GOT1: variants seen among roughly 807,000 people sequenced by gnomAD.
GOT1 encodes the protein aspartate aminotransferase, cytoplasmic.
Under a neutral mutation model 48.2 loss-of-function variants are expected in GOT1, and 25 were observed. The ratio of observed to expected loss-of-function variants is 0.52; its 90% CI spans 0.38 to 0.72. The LOEUF is 0.72. GOT1 is among the 30% of genes least tolerant of loss of function. The pLI is 0.00. For missense variants in GOT1, 380 were observed against 520.1 expected, an observed-to-expected ratio of 0.73 and a Z score of 2.62; for synonymous variants, 188 against 193.8, an observed-to-expected ratio of 0.97 and a Z score of 0.25.
At chr10:99,421,426 ATCTCTATCCTC>A (rs913117352) in intron 1 of GOT1, among the ~76,000 whole-genome samples, 5 of 152,028 alleles carry the variant, frequency 3.3e-5, no homozygotes, top group Non-Finnish European at 7.4e-5. Flanking sequence ...ACTTAAACAC[ATCTCTATCCTC>A]TCTCTGTATT....
chr10:99,405,720 A>G (rs774836580), intron 5 of GOT1, 36 bp downstream of exon 5: 2 of 948,086 alleles, frequency 2.1e-6, no homozygotes, highest in African/African-American at 1.6e-5. Flanking sequence ...AAGAATATAT[A>G]CTATTTTTTA....
At chr10:99,422,593 C>T (rs2032985211) in intron 1 of GOT1, among the ~76,000 whole-genome samples, 1 of 152,112 alleles carries the variant, frequency 6.6e-6, no homozygotes, top group South Asian at 2.1e-4. Flanking sequence ...GACATGTTTG[C>T]ATGTCTCCAT....
chr10:99,409,316 A>T (rs2032802196), intron 2 of GOT1, among the ~76,000 whole-genome samples: 1 of 150,890 alleles, frequency 6.6e-6, no homozygotes, highest in Non-Finnish European at 1.5e-5. Flanking sequence ...TGTTTTTAGT[A>T]CAGATGGGGT....
At chr10:99,405,111 T>C (rs1297761508) in intron 5 of GOT1, among the ~76,000 whole-genome samples, 1 of 152,146 alleles carries the variant, frequency 6.6e-6, no homozygotes, top group Non-Finnish European at 1.5e-5. Flanking sequence ...CTGTCTGTCT[T>C]TGAGGGTAGG....
chr10:99,419,000 A>T (rs921351114), intron 2 of GOT1, among the ~76,000 whole-genome samples: 2 of 152,200 alleles, frequency 1.3e-5, no homozygotes, highest in Non-Finnish European at 2.9e-5. Flanking sequence ...TACTTGCCTA[A>T]TCATGGACCT....
At chr10:99,409,052 A>G (rs2032796818) in intron 2 of GOT1, among the ~76,000 whole-genome samples, 2 of 152,190 alleles carry the variant, frequency 1.3e-5, no homozygotes, top group African/African-American at 4.8e-5. Context: ...ATGGATACAC[A>G]GGGATTCATT....
chr10:99,420,669 A>G lies in GOT1; in HGVS notation c.255T>C (p.Ser85=). The G allele has an allele frequency of 6.2e-7, 1 of 1,614,126 alleles. No homozygotes were observed. The highest frequency in any genetic ancestry group is 1.1e-5 in the South Asian group (1 of 91,084). Residue 85 remains serine, a synonymous_variant, in exon 2 of 9, where the codon TCT becomes TCC. Coordinates refer to ENST00000370508, the MANE Select transcript of GOT1 (RefSeq NM_002079.3). ...LGLAEFRSCA[S]RLALGDDSPA... is the part of the protein sequence containing the mutation. ...GGCTGTCATCCCCAAGGGCAAGACGAGAAGCACAGCTCCGGAACTCAGCCA... is the reference window on the plus strand; with the variant it reads ...GGCTGTCATCCCCAAGGGCAAGACGGGAAGCACAGCTCCGGAACTCAGCCA...
chr10:99,426,220 GC>G (rs1429997147), intron 1 of GOT1, among the ~76,000 whole-genome samples: 2 of 152,084 alleles, frequency 1.3e-5, no homozygotes, highest in Non-Finnish European at 2.9e-5. Context: ...ATGCTCCCCA[GC>G]TCCATGCCCC....
chr10:99,402,829 A>G lies in GOT1; in HGVS notation c.960-107T>C, dbSNP rs569180013. 240 of 880,536 alleles carry G rather than the reference A, an allele frequency of 2.7e-4. No homozygotes were observed. The African/African-American group carries it at 3.4e-3, about 12-fold the overall frequency. 54.5% of individuals were successfully genotyped at this position (880,536 alleles called of 1,614,324 possible). A position where few individuals can be genotyped will look rare whatever the true frequency, so the allele number is the denominator to read the frequency against. ...TTAAACGACAGCTGACAATGGGATC[A>G]TAACCTGCCTATTATGGCATGTGGA... is the stretch of plus-strand genomic sequence containing the variant. On this transcript the variant is annotated intron_variant, in intron 7 of 8. Transcript: ENST00000370508.
At chr10:99,406,624 T>G in intron 3 of GOT1, 102 bp downstream of exon 3, 1 of 1,168,606 alleles carries the variant, frequency 8.6e-7, no homozygotes, top group Non-Finnish European at 1.3e-6. Context: ...CAACAGTCAG[T>G]TGTTCTAGGG....
chr10:99,401,902 G>T (rs2134096153), intron 8 of GOT1, among the ~76,000 whole-genome samples: 1 of 151,946 alleles, frequency 6.6e-6, no homozygotes, highest in African/African-American at 2.4e-5. Context: ...CTGCCTCCTG[G>T]ATTCAAGTGA....
At chr10:99,430,291 G>A in intron 1 of GOT1, 157 bp downstream of exon 1, 1 of 1,572,514 alleles carries the variant, frequency 6.4e-7, no homozygotes, top group Middle Eastern at 1.7e-4. Flanking sequence ...AAAATGGGCA[G>A]GTTTTAGGAA....
intron 1 of GOT1, among the ~76,000 whole-genome samples, chr10:99,428,796 T>A (rs1001061038): frequency 2.0e-5 from 3 of 152,234 alleles, no homozygotes; most frequent in Non-Finnish European, 4.4e-5. Flanking sequence ...CAAATTCAAT[T>A]TGAGGCAATC....
At chr10:99,414,458 C>A (rs1235175443) in intron 2 of GOT1, among the ~76,000 whole-genome samples, 1 of 152,150 alleles carries the variant, frequency 6.6e-6, no homozygotes, top group Admixed American at 6.5e-5. Flanking sequence ...TAGGGACCTA[C>A]AAAGGGACTG....
chr10:99,401,936 T>C (rs1020886603), intron 8 of GOT1, among the ~76,000 whole-genome samples: 2 of 151,932 alleles, frequency 1.3e-5, no homozygotes. Context: ...GTCTCCCTAG[T>C]AGCTGGGACT....
Position 99,420,737 on chromosome 10 carries a change from T to C in GOT1, c.187A>G (p.Asn63Asp), listed in dbSNP as rs776021980. 13 of 1,613,876 alleles carry C rather than the reference T, an allele frequency of 8.1e-6. No individual in the cohort carries two copies. In the East Asian group the frequency reaches 1.1e-4, roughly 14 times the overall value. Residue 63 changes from asparagine to aspartate, a missense_variant, in exon 2 of 9, where the codon AAT (asparagine) becomes GAT (aspartate). Transcript: ENST00000370508. ...TACTCGTGATTTAGGCTATTGTCAT[T>C]AGCAATCTTCTGCTCCACTTTCTTC... ...VVKKVEQKIA[N>D]DNSLNHEYLP...
intron 1 of GOT1, among the ~76,000 whole-genome samples, chr10:99,421,636 C>T (rs1232084358): frequency 6.6e-6 from 1 of 152,126 alleles, no homozygotes; most frequent in Non-Finnish European, 1.5e-5. Context: ...TTTCCCTACA[C>T]TATTCTATGA....
intron 2 of GOT1, 175 bp downstream of exon 2, chr10:99,420,449 G>T: frequency 1.7e-6 from 1 of 573,892 alleles, no homozygotes; most frequent in Non-Finnish European, 3.0e-6. Context: ...AAAAAGCCGT[G>T]CTTTGTACAT....
chr10:99,399,423 T>A (rs2032642317), intron 8 of GOT1, among the ~76,000 whole-genome samples: 1 of 152,168 alleles, frequency 6.6e-6, no homozygotes, highest in South Asian at 2.1e-4. Flanking sequence ...AAAGCATCAA[T>A]CATCTGGCCA....
Sources: gnomAD v4.1 joint callset for allele counts (sites outside exome capture counted in the v4.1 genomes callset) on GRCh38, gnomAD v4.1.1 for gene constraint, MANE v1.5 for transcripts, NCBI Gene and HGNC (gene_info 2026-07-23, HGNC 2026-07-21) for gene names.